Variants in SUMF1 observed in about 807,000 individuals in gnomAD.
SUMF1 encodes the protein sulfatase modifying factor 1, also known as formylglycine-generating enzyme.
In SUMF1, 48 loss-of-function variants were observed where a neutral mutation model predicts 47.6. The ratio of observed to expected loss-of-function variants is 1.01; its 90% CI spans 0.80 to 1.28. The LOEUF (loss-of-function observed/expected upper bound fraction) is 1.28. Ranked by LOEUF, SUMF1 falls within the 50% of genes most tolerant of loss-of-function variation. The probability of loss-of-function intolerance (pLI) is 0.00; values close to 1 mark genes in which losing one functional copy is unlikely to be tolerated. For missense variants in SUMF1, 571 were observed against 485.4 expected, an observed-to-expected ratio of 1.18 and a Z score of -1.66; for synonymous variants, 230 against 192.1, an observed-to-expected ratio of 1.20 and a Z score of -1.63.
chr3:4,410,808 C>G, intron 7 of SUMF1, 57 bp downstream of exon 7: 1 of 1,486,084 alleles, frequency 6.7e-7, no homozygotes. Flanking sequence ...TGGCTGCAGA[C>G]TGCCCAGAGG....
At chr3:4,065,671 T>C (rs1160348394) in intron 9 of SUMF1, among the ~76,000 whole-genome samples, 1 of 152,094 alleles carries the variant, frequency 6.6e-6, no homozygotes, top group Admixed American at 6.6e-5. Context: ...AAAATTATCA[T>C]TTTGAGTGCC....
chr3:4,419,436 G>A (rs960322187), intron 4 of SUMF1, among the ~76,000 whole-genome samples: 3 of 152,342 alleles, frequency 2.0e-5, no homozygotes, highest in South Asian at 4.1e-4. Flanking sequence ...GGTTAGGAGA[G>A]CAGGTTTCTT....
chr3:4,206,305 C>T (rs1464173068), intron 8 of SUMF1, among the ~76,000 whole-genome samples: 1 of 151,946 alleles, frequency 6.6e-6, no homozygotes, highest in Non-Finnish European at 1.5e-5. Context: ...CCACTGGTTC[C>T]AAGCCCAGCA....
intron 8 of SUMF1, among the ~76,000 whole-genome samples, chr3:4,268,757 T>G (rs1697248576): frequency 6.6e-6 from 1 of 152,104 alleles, no homozygotes; most frequent in African/African-American, 2.4e-5. Flanking sequence ...TAATTAACTT[T>G]AAATCATGTG....
At chr3:4,109,465 T>A (rs1023256241) in intron 8 of SUMF1, among the ~76,000 whole-genome samples, 1 of 152,142 alleles carries the variant, frequency 6.6e-6, no homozygotes, top group Non-Finnish European at 1.5e-5. Flanking sequence ...AATTTGAATG[T>A]TGGTCTGCCT....
intron 3 of SUMF1, among the ~76,000 whole-genome samples, chr3:4,443,234 C>T (rs1702666179): frequency 6.6e-6 from 1 of 151,840 alleles, no homozygotes; most frequent in African/African-American, 2.4e-5. Flanking sequence ...GCCAAGATTG[C>T]ACACCGCACT....
At chr3:4,309,637 C>G (rs948072033) in intron 8 of SUMF1, among the ~76,000 whole-genome samples, 1 of 152,158 alleles carries the variant, frequency 6.6e-6, no homozygotes, top group Non-Finnish European at 1.5e-5. Flanking sequence ...CCCTTCACAC[C>G]CCTGCTTCCC....
intron 8 of SUMF1, among the ~76,000 whole-genome samples, chr3:4,342,671 C>G (rs1004169501): frequency 2.6e-5 from 4 of 152,304 alleles, no homozygotes; most frequent in Admixed American, 6.5e-5. Context: ...AAAGAATGTG[C>G]AGTGAGAGTT....
intron 8 of SUMF1, among the ~76,000 whole-genome samples, chr3:4,112,015 G>T (rs1026680707): frequency 6.6e-6 from 1 of 152,000 alleles, no homozygotes; most frequent in African/African-American, 2.4e-5. Flanking sequence ...GACAGGAAAG[G>T]CATGAGAAAA....
chr3:4,053,607 T>C (rs975089988), intron 9 of SUMF1, among the ~76,000 whole-genome samples: 3 of 152,138 alleles, frequency 2.0e-5, no homozygotes, highest in Admixed American at 6.6e-5. Flanking sequence ...TGGTCCAGAA[T>C]CCCAGAATCT....
At chr3:4,358,628 A>C (rs1626115), downstream of SUMF1, among the ~76,000 whole-genome samples, 66,203 of 152,066 alleles carry the variant, frequency 0.44, 17,019 homozygotes, top group African/African-American at 0.71. Flanking sequence ...AAAATTTAAT[A>C]CCATGAAAGT....
intron 8 of SUMF1, among the ~76,000 whole-genome samples, chr3:4,139,738 A>G (rs1223727509): frequency 6.6e-6 from 1 of 151,866 alleles, no homozygotes; most frequent in Non-Finnish European, 1.5e-5. Flanking sequence ...ATTGCCTTTA[A>G]TAATTTCTAG....
intron 7 of SUMF1, among the ~76,000 whole-genome samples, chr3:4,380,660 T>C (rs1470622057): frequency 6.6e-6 from 1 of 152,178 alleles, no homozygotes. Flanking sequence ...GGAACCATCG[T>C]GAATCCTGTC....
intron 8 of SUMF1, among the ~76,000 whole-genome samples, chr3:4,101,128 A>G (rs1409425076): frequency 6.6e-6 from 1 of 152,102 alleles, no homozygotes; most frequent in Non-Finnish European, 1.5e-5. Flanking sequence ...TGATCAAGCA[A>G]TCTCATTACC....
At chr3:4,290,369 C>A (rs368177041) in intron 8 of SUMF1, among the ~76,000 whole-genome samples, 1 of 152,138 alleles carries the variant, frequency 6.6e-6, no homozygotes, top group Non-Finnish European at 1.5e-5. Context: ...TTAACTCTTT[C>A]CTCATTTTCA....
intron 8 of SUMF1, among the ~76,000 whole-genome samples, chr3:4,177,368 A>G (rs1177688102): frequency 6.6e-6 from 1 of 152,172 alleles, no homozygotes; most frequent in Non-Finnish European, 1.5e-5. Context: ...TCAAATTAGA[A>G]CTCAGGATTA....
chr3:4,361,868 G>A lies in SUMF1; in HGVS notation c.*276C>T. The A allele has an allele frequency of 2.3e-6, 1 of 432,972 alleles. No individual in the cohort carries two copies. Among genetic ancestry groups the A allele is most frequent in the South Asian group, 2.2e-5 (1 of 46,324 alleles). 26.8% of individuals were successfully genotyped at this position (432,972 alleles called of 1,614,324 possible). On this transcript the variant is annotated 3_prime_UTR_variant, in exon 9 of 9. Transcript: ENST00000272902. Reference sequence around the variant, plus strand: ...CTGCGTAGGACGCGGGCCTCCTGAAGCCTAGCTCAGGGTTCCCTCCACTCC... The same window carrying A: ...CTGCGTAGGACGCGGGCCTCCTGAAACCTAGCTCAGGGTTCCCTCCACTCC...
chr3:4,303,880 C>A, intron 8 of SUMF1: 1 of 1,274,894 alleles, frequency 7.8e-7, no homozygotes, highest in Non-Finnish European at 1.0e-6. Context: ...TAGGATAAGC[C>A]GTGGGGCCTA....
intron 8 of SUMF1, among the ~76,000 whole-genome samples, chr3:4,077,065 T>C (rs1244901192): frequency 6.6e-6 from 1 of 152,076 alleles, no homozygotes; most frequent in African/African-American, 2.4e-5. Flanking sequence ...ATGCTCATCA[T>C]CACTGGTCAT....
Sources: gnomAD v4.1 joint callset for allele counts (sites outside exome capture counted in the v4.1 genomes callset) on GRCh38, gnomAD v4.1.1 for gene constraint, MANE v1.5 for transcripts, NCBI Gene and HGNC (gene_info 2026-07-23, HGNC 2026-07-21) for gene names.